The following PRKCA variants were observed in gnomAD, a reference collection of about 807,000 sequenced individuals.
PRKCA encodes the protein protein kinase C alpha.
In PRKCA, 27 loss-of-function variants were observed where a neutral mutation model predicts 87.0. The ratio of observed to expected loss-of-function variants is 0.31; its 90% CI spans 0.23 to 0.43. The LOEUF (loss-of-function observed/expected upper bound fraction) is 0.43, where lower values mean the gene tolerates loss of function less well. Ranked by LOEUF, PRKCA falls within the 20% of genes least tolerant of loss-of-function variation. PRKCA has a pLI of 1.00. For missense variants in PRKCA, 518 were observed against 852.3 expected (o/e 0.61, Z 4.88); for synonymous variants, 329 against 311.1 (o/e 1.06, Z -0.61).
chr17:66,551,543 A>G (rs1055186679), intron 3 of PRKCA, among the ~76,000 whole-genome samples: 3 of 152,236 alleles, frequency 2.0e-5, no homozygotes, highest in Admixed American at 6.5e-5. Context: ...GGCGAGCCAG[A>G]CGAAATCAGT....
intron 2 of PRKCA, among the ~76,000 whole-genome samples, chr17:66,406,091 GA>G (rs1183612353): frequency 2.0e-5 from 3 of 152,190 alleles, no homozygotes; most frequent in Non-Finnish European, 2.9e-5. Flanking sequence ...GGAGCTGGCA[GA>G]AGCCCATTAG....
At chr17:66,307,641 C>G (rs185897785) in intron 2 of PRKCA, among the ~76,000 whole-genome samples, 16 of 152,252 alleles carry the variant, frequency 1.1e-4, no homozygotes, top group Middle Eastern at 3.4e-3. Context: ...CTTAGACCCG[C>G]TCATCTGAGC....
intron 13 of PRKCA, among the ~76,000 whole-genome samples, chr17:66,743,431 C>T (rs1239433601): frequency 1.3e-5 from 2 of 152,164 alleles, no homozygotes; most frequent in Non-Finnish European, 2.9e-5. Context: ...AGCAGCATCG[C>T]GGTGATGACT....
chr17:66,593,185 A>G (rs1343417571), intron 3 of PRKCA, among the ~76,000 whole-genome samples: 1 of 152,214 alleles, frequency 6.6e-6, no homozygotes, highest in African/African-American at 2.4e-5. Context: ...TGTAATAAAG[A>G]CATATGAAAT....
chr17:66,646,467 C>T (rs1026270243), intron 5 of PRKCA, among the ~76,000 whole-genome samples: 20 of 148,448 alleles, frequency 1.3e-4, no homozygotes, highest in African/African-American at 5.0e-4. Context: ...CACTTGGGGT[C>T]CCTGAGGGAC....
At chr17:66,349,931 A>G (rs1907637361) in intron 2 of PRKCA, among the ~76,000 whole-genome samples, 2 of 151,886 alleles carry the variant, frequency 1.3e-5, no homozygotes, top group Admixed American at 6.6e-5. Flanking sequence ...CCCTTATCAC[A>G]TGGCGTTATC....
chr17:66,768,834 G>A lies in PRKCA; in HGVS notation c.1525-5153G>A, dbSNP rs182091544. ...TGAGATGAGATTTGGGTGGGGACAC[G>A]ATATGGTTTATGGACACAAACCATA... On this transcript the variant is annotated intron_variant, in intron 13 of 16. Coordinates refer to ENST00000413366, the MANE Select transcript of PRKCA (RefSeq NM_002737.3). Among the ~76,000 whole-genome samples, 79 of 152,292 alleles carry A rather than the reference G, an allele frequency of 5.2e-4. 1 individual carries two copies. The highest frequency in any genetic ancestry group is 1.8e-3 in the African/African-American group (76 of 41,562).
At chr17:66,350,105 CA>C (rs1907648948) in intron 2 of PRKCA, among the ~76,000 whole-genome samples, 1 of 152,166 alleles carries the variant, frequency 6.6e-6, no homozygotes, top group African/African-American at 2.4e-5. Flanking sequence ...CAGGTGCTGG[CA>C]GGGGTCTGCT....
At chr17:66,496,085 A>C in intron 2 of PRKCA, 116 bp from the exon 3 acceptor site, 1 of 766,758 alleles carries the variant, frequency 1.3e-6, no homozygotes, top group Non-Finnish European at 2.2e-6. Context: ...TGTTTATAAG[A>C]TTCTGTCTGT....
At chr17:66,409,665 C>T (rs1374278820) in intron 2 of PRKCA, among the ~76,000 whole-genome samples, 1 of 152,128 alleles carries the variant, frequency 6.6e-6, no homozygotes, top group African/African-American at 2.4e-5. Context: ...CGCGGTGGCT[C>T]ACGCCTGTAA....
intron 2 of PRKCA, among the ~76,000 whole-genome samples, chr17:66,310,374 G>A (rs887417483): frequency 6.6e-6 from 1 of 152,066 alleles, no homozygotes; most frequent in Non-Finnish European, 1.5e-5. Flanking sequence ...GATCGTCACT[G>A]GATTTTGAGG....
chr17:66,480,404 A>G (rs1194808373), intron 2 of PRKCA, among the ~76,000 whole-genome samples: 2 of 152,204 alleles, frequency 1.3e-5, no homozygotes, highest in African/African-American at 4.8e-5. Flanking sequence ...TTCTTTTTGA[A>G]TTGTTCCCCA....
rs190876966 is a variant in PRKCA at position 66,405,412 on chromosome 17, C to T, written c.206-90789C>T. The stretch of plus-strand genomic sequence containing the variant: ...CCTCTGCTTTCCTCAGACTAATCCA[C>T]GGGCTGTCCACTCCCCTGTGATGCT... On this transcript the variant is annotated intron_variant, in intron 2 of 16. Transcript: ENST00000413366. Among the ~76,000 whole-genome samples, 75 of 152,324 alleles carry T rather than the reference C, an allele frequency of 4.9e-4. 2 individuals are homozygous for T. In the East Asian group the frequency reaches 6.4e-3, roughly 13 times the overall value.
intron 16 of PRKCA, among the ~76,000 whole-genome samples, chr17:66,802,348 G>A (rs778115614): frequency 7.2e-5 from 11 of 152,134 alleles, no homozygotes; most frequent in Non-Finnish European, 1.3e-4. Context: ...TGAAAAGTAG[G>A]TGGGAAAAGG....
intron 2 of PRKCA, among the ~76,000 whole-genome samples, chr17:66,477,921 T>TA (rs1436673701): frequency 6.6e-6 from 1 of 152,242 alleles, no homozygotes; most frequent in African/African-American, 2.4e-5. Flanking sequence ...TGGTGGACTC[T>TA]AATTCTTGTT....
rs185236515 is a variant in PRKCA, at chr17:66,626,923, A to G, written c.289-14432A>G. 1.4e-4 allele frequency among the ~76,000 whole-genome samples: 22 copies of G among 152,348 alleles called. No homozygotes were observed. The East Asian group carries it at 3.9e-3, about 27-fold the overall frequency. The stretch of plus-strand genomic sequence containing the variant: ...TAGTCTCAAAAAGAGCATTCTCACT[A>G]GAAGTATCCACAGAAATGCACTTAA... On this transcript the variant is annotated intron_variant, in intron 3 of 16. Transcript: ENST00000413366.
chr17:66,440,585 G>C (rs946474207), intron 2 of PRKCA, among the ~76,000 whole-genome samples: 3 of 152,150 alleles, frequency 2.0e-5, no homozygotes, highest in Admixed American at 1.3e-4. Flanking sequence ...ACAGGCAGGA[G>C]AACTATAGGA....
At chr17:66,643,976 TCCCGTCCCCTC>T (rs1391212477) in intron 4 of PRKCA, among the ~76,000 whole-genome samples, 1 of 152,180 alleles carries the variant, frequency 6.6e-6, no homozygotes, top group Non-Finnish European at 1.5e-5. Flanking sequence ...CACTTTCACC[TCCCGTCCCCTC>T]CCCGTTGCCT....
At chr17:66,770,260 T>C (rs1247047865) in intron 13 of PRKCA, among the ~76,000 whole-genome samples, 3 of 152,364 alleles carry the variant, frequency 2.0e-5, no homozygotes, top group African/African-American at 7.2e-5. Context: ...AAATATACTA[T>C]GGCAGTGTCT....
Sources: allele counts gnomAD v4.1 joint callset (sites outside exome capture counted in the v4.1 genomes callset), GRCh38; gene constraint gnomAD v4.1.1; transcripts MANE v1.5; gene names NCBI Gene and HGNC (gene_info 2026-07-23, HGNC 2026-07-21).